Variants in IL16 observed in about 807,000 individuals in gnomAD.
IL16 encodes interleukin 16, also known as pro-interleukin-16.
In IL16, 67 loss-of-function variants were observed where a neutral mutation model predicts 110.1. The observed-to-expected ratio is 0.61, with a 90% CI of 0.50 to 0.75. The LOEUF (loss-of-function observed/expected upper bound fraction) is 0.75. Ranked by LOEUF, IL16 falls within the 30% of genes least tolerant of loss-of-function variation. The pLI is 0.00. For synonymous variants in IL16, 689 were observed against 662.9 expected, an observed-to-expected ratio of 1.04 and a Z score of -0.61; for missense variants, 1,545 against 1,655.0, an observed-to-expected ratio of 0.93 and a Z score of 1.15.
chr15:81,220,653 T>C (rs1268020624), intron 1 of IL16, among the ~76,000 whole-genome samples: 1 of 152,178 alleles, frequency 6.6e-6, no homozygotes, highest in Non-Finnish European at 1.5e-5. Context: ...TCTCTCCATG[T>C]GGTTATTTAC....
rs77747787 is a variant in IL16 at position 81,232,265 on chromosome 15, T to C, written c.312+6554T>C. Among the ~76,000 whole-genome samples the C allele has an allele frequency of 3.7e-3, 559 of 152,222 alleles. 4 individuals carry two copies. The highest frequency in any genetic ancestry group is 0.013 in the African/African-American group (532 of 41,542). On this transcript the variant is annotated intron_variant, in intron 2 of 18. Transcript: ENST00000683961. ...TTGTTGTTGTTTATTTTTCAGCATA[T>C]CCAATCGTTACCTACCATTTCTGAA... is the stretch of plus-strand genomic sequence containing the variant.
chr15:81,228,065 T>G (rs1464472560), intron 2 of IL16, among the ~76,000 whole-genome samples: 2 of 151,376 alleles, frequency 1.3e-5, no homozygotes, highest in Non-Finnish European at 2.9e-5. Flanking sequence ...TAAGCAGAGG[T>G]GGAGGGGAGA....
chr15:81,189,198 A>G (rs1419511211), intron 1 of IL16, among the ~76,000 whole-genome samples: 2 of 145,708 alleles, frequency 1.4e-5, no homozygotes, highest in African/African-American at 5.1e-5. Flanking sequence ...ATCTTGGCTC[A>G]CTGCAACCTC....
chr15:81,211,676 C>G (rs536279356), intron 1 of IL16, among the ~76,000 whole-genome samples: 6 of 152,334 alleles, frequency 3.9e-5, no homozygotes, highest in African/African-American at 1.4e-4. Context: ...GCATGAGCCA[C>G]TGCACTTGGC....
intron 1 of IL16, among the ~76,000 whole-genome samples, chr15:81,203,952 G>A (rs1038127707): frequency 6.6e-6 from 1 of 151,976 alleles, no homozygotes; most frequent in Non-Finnish European, 1.5e-5. Context: ...TCCTACCCAT[G>A]AGCGTGGAAT....
chr15:81,183,046 A>T (rs1595928928), intron 1 of IL16: 2 of 424,904 alleles, frequency 4.7e-6, no homozygotes, highest in South Asian at 1.8e-5. Flanking sequence ...CACACGTGTG[A>T]GTGTGTGTGC....
chr15:81,185,363 C>CTT (rs537025840), intron 1 of IL16, among the ~76,000 whole-genome samples: 14,363 of 141,800 alleles, frequency 0.1, 1,226 homozygotes, highest in East Asian at 0.37. Context: ...TTTTCTTTTC[C>CTT]TTTTTTTTTT....
At chr15:81,306,641 T>A (rs929670149) in intron 18 of IL16, 96 bp downstream of exon 18, 2 of 1,433,498 alleles carry the variant, frequency 1.4e-6, no homozygotes, top group Admixed American at 3.3e-5. Flanking sequence ...CTATGTTGTT[T>A]CCCACAACTC....
chr15:81,200,868 T>C (rs762197752), intron 1 of IL16, among the ~76,000 whole-genome samples: 6 of 152,174 alleles, frequency 3.9e-5, no homozygotes, highest in Non-Finnish European at 8.8e-5. Flanking sequence ...TTTTTTTCTG[T>C]ACTTACCTCC....
rs780971898 is a variant in IL16 at position 81,282,701 on chromosome 15, A to C, written c.1144A>C (p.Ile382Leu). The part of the protein sequence containing the change: ...SVPYFQCISG[I>L]FVHTLSPGSV... ...TCCCTACTTCCAATGCATCTCTGGC[A>C]TTTTCGTCCACACGCTGTCACCAGG... is the stretch of plus-strand genomic sequence containing the variant. The change falls in exon 9 of 19, where the codon ATT becomes CTT. Residue 382 changes from isoleucine to leucine, a missense_variant. By Grantham distance (5) the Ile-to-Leu change is conservative. This residue lies in a region of IL16 where 1,185 missense variants were observed against 1,238.8 expected (regional missense o/e 0.96). Coordinates refer to ENST00000683961, the MANE Select transcript of IL16 (RefSeq NM_172217.5). 1.9e-6 allele frequency: 3 copies of C among 1,614,120 alleles called. No individual in the cohort carries two copies.
At chr15:81,270,679 A>G (rs2142241609) in intron 5 of IL16, among the ~76,000 whole-genome samples, 1 of 152,230 alleles carries the variant, frequency 6.6e-6, no homozygotes, top group Non-Finnish European at 1.5e-5. Context: ...TTTTGGATTG[A>G]CTTTTAAATT....
chr15:81,307,966 T>C (rs1262398854), intron 18 of IL16, among the ~76,000 whole-genome samples: 1 of 152,272 alleles, frequency 6.6e-6, no homozygotes, highest in Non-Finnish European at 1.5e-5. Flanking sequence ...ATCATTAGTA[T>C]TATCTTCTAC....
At chr15:81,290,294 C>T (rs953112191) in intron 10 of IL16, among the ~76,000 whole-genome samples, 159 bp from the exon 11 acceptor site, 9 of 152,102 alleles carry the variant, frequency 5.9e-5, no homozygotes, top group African/African-American at 1.2e-4. Context: ...CATTGATTCC[C>T]GGGGTATTTC....
At chr15:81,252,501 C>A (rs1897800149) in intron 2 of IL16, among the ~76,000 whole-genome samples, 1 of 152,096 alleles carries the variant, frequency 6.6e-6, no homozygotes, top group African/African-American at 2.4e-5. Context: ...ACATACCACA[C>A]AATTAAACCA....
chr15:81,198,839 G>A (rs1895696244), intron 1 of IL16, among the ~76,000 whole-genome samples: 1 of 150,826 alleles, frequency 6.6e-6, no homozygotes, highest in Non-Finnish European at 1.5e-5. Context: ...GGCCAACATG[G>A]TGAAACCCTG....
chr15:81,232,042 G>GTTTTTTTCTTTT (rs1897008513), intron 2 of IL16, among the ~76,000 whole-genome samples: 1 of 57,694 alleles, frequency 1.7e-5, no homozygotes, highest in Non-Finnish European at 3.3e-5. Context: ...ATTTGTTCTT[G>GTTTTTTTCTTTT]TTTTTTTTTT....
At chr15:81,297,596 G>A (rs149237262) in intron 13 of IL16, among the ~76,000 whole-genome samples, 12 of 152,178 alleles carry the variant, frequency 7.9e-5, no homozygotes, top group Admixed American at 5.2e-4. Flanking sequence ...GCTAGAGAGA[G>A]CATAGGACTT....
intron 9 of IL16, among the ~76,000 whole-genome samples, chr15:81,284,893 T>C (rs150993650): frequency 6.6e-6 from 1 of 152,222 alleles, no homozygotes; most frequent in African/African-American, 2.4e-5. Context: ...AAAGACAGTA[T>C]GGCAAAGCAT....
chr15:81,184,079 T>C (rs1895384126), intron 1 of IL16, among the ~76,000 whole-genome samples: 1 of 152,174 alleles, frequency 6.6e-6, no homozygotes, highest in Non-Finnish European at 1.5e-5. Context: ...GCTCTTCGTA[T>C]AGCAGAAAGT....
Sources: allele counts gnomAD v4.1 joint callset (sites outside exome capture counted in the v4.1 genomes callset), GRCh38; gene constraint gnomAD v4.1.1; regional missense constraint gnomAD v4.1.1; transcripts MANE v1.5; gene names NCBI Gene and HGNC (gene_info 2026-07-23, HGNC 2026-07-21).